Variants in CARD14 observed in about 807,000 individuals in gnomAD.
CARD14 encodes caspase recruitment domain family member 14, also known as caspase recruitment domain-containing protein 14.
A neutral mutation model predicts 111.5 loss-of-function variants in CARD14; 107 were observed. The observed-to-expected ratio is 0.96, with a 90% confidence interval of 0.82 to 1.13. The LOEUF is 1.13. Ranked by LOEUF, CARD14 falls within the 50% of genes most tolerant of loss-of-function variation. The pLI, the probability that CARD14 is intolerant of heterozygous loss-of-function variation, is 0.00. For missense variants in CARD14, 1,322 were observed against 1,362.3 expected (o/e 0.97, Z 0.47); for synonymous variants, 617 against 579.6 (o/e 1.06, Z -0.93).
At position 80,204,648 on chromosome 17, in the gene CARD14, G is replaced by A. The variant is rs150595220; in HGVS notation, c.2398+307G>A. On this transcript the variant is annotated intron_variant, in intron 20 of 23. Transcript: ENST00000648509. ...TCAGGAAAAAAAAAAAATTTCAGGA[G>A]AGGAGTACAGGACAGAGGGAGGGCT... is the stretch of plus-strand genomic sequence containing the variant. The A allele has an allele frequency of 7.6e-5, 28 of 370,706 alleles. No individual in the cohort carries two copies. The East Asian group carries it at 1.1e-3, about 15-fold the overall frequency. 23.0% of individuals were successfully genotyped at this position (370,706 alleles called of 1,614,324 possible).
rs60307812 is a variant in CARD14, at chr17:80,181,089, T to TAAAAA, written c.-20-320_-20-316dup. On this transcript the variant is annotated intron_variant, in intron 4 of 23. Transcript: ENST00000648509. ...ACTACCATTATTTTAGATGAATTTCTAAAAAAAAAAAAAAGTATTTATTTA... is the reference window on the plus strand; with the variant it reads ...ACTACCATTATTTTAGATGAATTTCTAAAAAAAAAAAAAAAAAAAGTATTTATTTA... Among the ~76,000 whole-genome samples, 50 of 141,482 alleles carry TAAAAA rather than the reference T, an allele frequency of 3.5e-4. 1 individual carries two copies. The highest frequency in any genetic ancestry group is 1.6e-3 in the East Asian group (8 of 4,864). The allele number at this position is 141,482 out of a possible 152,430, so 92.8% of individuals were successfully genotyped here.
intron 6 of CARD14, among the ~76,000 whole-genome samples, chr17:80,183,424 CT>C (rs1262715080): frequency 6.6e-6 from 1 of 152,182 alleles, no homozygotes; most frequent in Non-Finnish European, 1.5e-5. Context: ...GATTCGTATT[CT>C]TTTTTTATCT....
intron 4 of CARD14, among the ~76,000 whole-genome samples, chr17:80,180,486 CAT>C (rs1451908063): frequency 1.3e-5 from 2 of 152,216 alleles, no homozygotes; most frequent in African/African-American, 4.8e-5. Context: ...ACATTTCCCT[CAT>C]GTGGAGTCCT....
chr17:80,209,148 G>T lies in CARD14; in HGVS notation c.*803G>T. 4.3e-6 allele frequency: 1 copy of T among 232,810 alleles called. No individual in the cohort carries two copies. Among genetic ancestry groups the T allele is most frequent in the Non-Finnish European group, 7.1e-6 (1 of 141,804 alleles). The allele number at this position is 232,810 out of a possible 1,614,324, so 14.4% of individuals were successfully genotyped here. A position where few individuals can be genotyped will look rare whatever the true frequency, so the allele number is the denominator to read the frequency against. On this transcript the variant is annotated 3_prime_UTR_variant, in exon 24 of 24. Transcript: ENST00000648509. ...TTACTCCACCTTCAGGGCTCGGGGA[G>T]GACCCAGGTCCGCCAGCACCTGGCC... is the stretch of plus-strand genomic sequence containing the variant.
rs2040219928 is a variant in CARD14, at chr17:80,182,950, C to T, written c.349+160C>T. Among the ~76,000 whole-genome samples, 1 of 152,156 alleles carries T rather than the reference C, an allele frequency of 6.6e-6. No individual in the cohort carries two copies. Among genetic ancestry groups the T allele is most frequent in the Non-Finnish European group, 1.5e-5 (1 of 68,024 alleles). ...CAGCACTCTGAGGGTGAGGAACCCC[C>T]TCACTGTATTGGGGTTGGATAGGAT... On this transcript the variant is annotated intron_variant, in intron 6 of 23. Transcript: ENST00000648509. This position sits in a 1 kb window ranked among gnomAD's most constrained non-coding sequence, Gnocchi z 4.7.
In CARD14 at chr17:80,182,935, A is replaced by T; in HGVS notation, c.349+145A>T. ...TTCCTGTCCCAGCCCCAGCACTCTG[A>T]GGGTGAGGAACCCCCTCACTGTATT... is the stretch of plus-strand genomic sequence containing the variant. On this transcript the variant is annotated intron_variant, in intron 6 of 23. Coordinates refer to ENST00000648509, the MANE Select transcript of CARD14 (RefSeq NM_001366385.1). This position sits in a 1 kb window ranked among gnomAD's most constrained non-coding sequence, Gnocchi z 4.7. 1 of 972,228 alleles carries T rather than the reference A, an allele frequency of 1.0e-6. No homozygotes were observed. The allele number at this position is 972,228 out of a possible 1,614,324, so 60.2% of individuals were successfully genotyped here.
intron 2 of CARD14, among the ~76,000 whole-genome samples, chr17:80,178,158 T>C (rs995400047): frequency 6.6e-6 from 1 of 152,090 alleles, no homozygotes; most frequent in Non-Finnish European, 1.5e-5. Flanking sequence ...CAGCTGTTCT[T>C]CCTTCCGGGC....
chr17:80,205,742 C>T (rs895047967), intron 22 of CARD14, 90 bp downstream of exon 22: 3 of 1,340,354 alleles, frequency 2.2e-6, no homozygotes, highest in South Asian at 3.1e-5. Flanking sequence ...GTACAGGGAC[C>T]GACCTGAGAC....
At position 80,184,149 on chromosome 17, in the gene CARD14, G is replaced by A; in HGVS notation, c.586G>A (p.Asp196Asn). The A allele has an allele frequency of 6.4e-7, 1 of 1,566,698 alleles. No homozygotes were observed. Among genetic ancestry groups the A allele is most frequent in the Non-Finnish European group, 8.7e-7 (1 of 1,155,994 alleles). Residue 196 changes from aspartate (D) to asparagine (N), a missense_variant, in exon 7 of 24, where the codon GAC becomes AAC. By Grantham distance (23) the Asp-to-Asn change is conservative. Transcript: ENST00000648509. ...AHFHEVLRLK[D>N]EMLSLSLHYS... Reference sequence around the variant, plus strand: ...CTTCCATGAGGTGCTGAGGCTGAAGGACGAGATGCTCAGCCTCTCGCTGCA... The same window carrying A: ...CTTCCATGAGGTGCTGAGGCTGAAGAACGAGATGCTCAGCCTCTCGCTGCA...
rs1462949628 is a variant in CARD14, at chr17:80,195,520, T to C, written c.1500-38T>C. 2 of 1,578,366 alleles carry C rather than the reference T, an allele frequency of 1.3e-6. No individual in the cohort carries two copies. The highest frequency in any genetic ancestry group is 1.7e-6 in the Non-Finnish European group (2 of 1,159,070). On this transcript the variant is annotated intron_variant, in intron 13 of 23. Transcript: ENST00000648509. The surrounding 1 kb of genome is among the most constrained non-coding windows in gnomAD (Gnocchi z 4.7). ...GGCGTGGGGACTCAGAGGGAGCAGGTGATGCAGTTTGAGCCTGCTGCTGCT... is the reference window on the plus strand; with the variant it reads ...GGCGTGGGGACTCAGAGGGAGCAGGCGATGCAGTTTGAGCCTGCTGCTGCT...
intron 21 of CARD14, 147 bp downstream of exon 21, chr17:80,205,352 C>A: frequency 8.6e-7 from 1 of 1,158,120 alleles, no homozygotes; most frequent in Non-Finnish European, 1.2e-6. Flanking sequence ...CCAGATAGTT[C>A]AGGATGGAGG....
rs374340665 is a variant in CARD14 at position 80,198,045 on chromosome 17, C to T, written c.1595-54C>T. ...GCTGAGGTTACAGGAGGTTACAGGA[C>T]GCCCCATCAGCAGTGGGGTGACCAA... On this transcript the variant is annotated intron_variant, in intron 14 of 23. Coordinates refer to ENST00000648509, the MANE Select transcript of CARD14 (RefSeq NM_001366385.1). This position sits in a 1 kb window ranked among gnomAD's most constrained non-coding sequence, Gnocchi z 7.5. 9.7e-5 allele frequency: 153 copies of T among 1,571,656 alleles called. No individual in the cohort carries two copies. Among genetic ancestry groups the T allele is most frequent in the South Asian group, 8.6e-4 (77 of 89,856 alleles).
chr17:80,187,683 C>T (rs551384775), intron 7 of CARD14: 16 of 898,354 alleles, frequency 1.8e-5, no homozygotes, highest in South Asian at 5.1e-5. Flanking sequence ...CCCACCCCGA[C>T]GTGCAGACTT....
intron 21 of CARD14, 75 bp downstream of exon 21, chr17:80,205,280 T>TC: frequency 3.7e-6 from 4 of 1,077,402 alleles, no homozygotes; most frequent in Non-Finnish European, 5.2e-6. Flanking sequence ...CCCTCCTTCC[T>TC]CCCCTTCCTC....
Position 80,208,465 on chromosome 17 carries a change from C to CATGTGA in CARD14, c.*120_*121insATGTGA. On this transcript the variant is annotated 3_prime_UTR_variant, in exon 24 of 24. Transcript: ENST00000648509. ...CTCCTTGGCACATGAGGCCGGCTCT[C>CATGTGA]CCCACTGGCTGGGGTCTAACCTTGA... 1.1e-6 allele frequency: 1 copy of CATGTGA among 935,160 alleles called. No homozygotes were observed. Among genetic ancestry groups the CATGTGA allele is most frequent in the Non-Finnish European group, 1.6e-6 (1 of 644,908 alleles). The allele number at this position is 935,160 out of a possible 1,614,324, so 57.9% of individuals were successfully genotyped here. A position where few individuals can be genotyped will look rare whatever the true frequency, so the allele number is the denominator to read the frequency against.
In CARD14 at chr17:80,188,367, C is replaced by G. The variant is rs372114482; in HGVS notation, c.676-10C>G. 1.7e-5 allele frequency: 28 copies of G among 1,605,668 alleles called. No homozygotes were observed. Among genetic ancestry groups the G allele is most frequent in the Non-Finnish European group, 2.3e-5 (27 of 1,176,344 alleles). On this transcript the variant is annotated splice_polypyrimidine_tract_variant and intron_variant, in intron 7 of 23. Coordinates refer to ENST00000648509, the MANE Select transcript of CARD14 (RefSeq NM_001366385.1). This position sits in a 1 kb window ranked among gnomAD's most constrained non-coding sequence, Gnocchi z 4.5. ...TCCATCGCCCTTCCTGTCGCCTCCC[C>G]ACCGCACAGCTGTATCTACTGAAGC...
Position 80,208,149 on chromosome 17 carries a change from A to G in CARD14, c.2819A>G (p.Gln940Arg), listed in dbSNP as rs2041449908. The change falls in exon 24 of 24, where the codon CAG becomes CGG. Residue 940 changes from glutamine (Q) to arginine (R), a missense_variant. By Grantham distance (43) the Gln-to-Arg change is conservative. Coordinates refer to ENST00000648509, the MANE Select transcript of CARD14 (RefSeq NM_001366385.1). ...TCTGGCCTGTGCAGGAAGGGCCTAC[A>G]GCGGTTGGGCACCTCAGAGGAGCAG... The part of the protein sequence containing the change: ...KMAKKLKKGL[Q>R]RLGTSEEQLL... 6.5e-7 allele frequency: 1 copy of G among 1,542,898 alleles called. No homozygotes were observed. The highest frequency in any genetic ancestry group is 8.8e-7 in the Non-Finnish European group (1 of 1,142,550).
chr17:80,198,265 T>C lies in CARD14; in HGVS notation c.1658+103T>C. The C allele has an allele frequency of 6.4e-7, 1 of 1,569,304 alleles. No individual in the cohort carries two copies. The highest frequency in any genetic ancestry group is 8.7e-7 in the Non-Finnish European group (1 of 1,144,244). ...CTATTACCAATGGGAGGCAACAGCC[T>C]TTCCAAGCACATGGGGCCATGGAGG... On this transcript the variant is annotated intron_variant, in intron 15 of 23. Coordinates refer to ENST00000648509, the MANE Select transcript of CARD14 (RefSeq NM_001366385.1). The surrounding 1 kb of genome is among the most constrained non-coding windows in gnomAD (Gnocchi z 7.5).
In CARD14 at chr17:80,180,661, G is replaced by A. The variant is rs1471123269; in HGVS notation, c.-20-758G>A. On this transcript the variant is annotated intron_variant, in intron 4 of 23. Transcript: ENST00000648509. ...GCACGATCTCGGCTCTAGAGAAGCC[G>A]ACAGTCTTGCTTCTAATGAAAATTA... 5.9e-5 allele frequency among the ~76,000 whole-genome samples: 9 copies of A among 151,524 alleles called. No homozygotes were observed. In the South Asian group the frequency reaches 6.3e-4, roughly 11 times the overall value.
Sources: gnomAD v4.1 joint callset for allele counts (sites outside exome capture counted in the v4.1 genomes callset) on GRCh38, gnomAD v4.1.1 for gene constraint, Gnocchi (gnomAD v3.1) non-coding constraint, MANE v1.5 for transcripts, NCBI Gene and HGNC (gene_info 2026-07-23, HGNC 2026-07-21) for gene names.